ST3GAL4: variants seen among roughly 807,000 people sequenced by gnomAD.
ST3GAL4 encodes the protein CMP-N-acetylneuraminate-beta-galactosamide-alpha-2,3-sialyltransferase 4.
ST3GAL4 carries 24 observed loss-of-function variants against 42.6 expected under a neutral mutation model. The ratio of observed to expected loss-of-function variants is 0.56; its 90% CI spans 0.41 to 0.79. The LOEUF (loss-of-function observed/expected upper bound fraction) is 0.79, where lower values mean the gene tolerates loss of function less well. ST3GAL4 is among the 30% of genes least tolerant of loss of function. The pLI, the probability that ST3GAL4 is intolerant of heterozygous loss-of-function variation, is 0.00. For synonymous variants in ST3GAL4, 135 were observed against 163.2 expected (o/e 0.83, Z 1.32); for missense variants, 311 against 430.8 (o/e 0.72, Z 2.46).
In ST3GAL4 at chr11:126,359,166, G is replaced by A. The variant is rs548820573; in HGVS notation, c.-61+3324G>A. 1.4e-4 allele frequency among the ~76,000 whole-genome samples: 22 copies of A among 152,148 alleles called. No individual in the cohort carries two copies. The highest frequency in any genetic ancestry group is 3.1e-4 in the Non-Finnish European group (21 of 68,026). ...TCTGCAGCGACCCTACTTGTGCTCT[G>A]CGTCCTCTGCCAACTGCAGCATGGG... On this transcript the variant is annotated intron_variant, in intron 1 of 10. Transcript: ENST00000444328. The surrounding 1 kb of genome is among the most constrained non-coding windows in gnomAD (Gnocchi z 4.8).
intron 1 of ST3GAL4, among the ~76,000 whole-genome samples, chr11:126,370,770 G>A (rs1455579377): frequency 6.6e-6 from 1 of 150,910 alleles, no homozygotes; most frequent in African/African-American, 2.4e-5. Context: ...TCTGCATCCC[G>A]GGTTCAAGCA....
intron 8 of ST3GAL4, 141 bp downstream of exon 8, chr11:126,408,637 C>A: frequency 1.0e-6 from 1 of 994,616 alleles, no homozygotes; most frequent in Non-Finnish European, 1.5e-6. Context: ...CGGAAGTCAG[C>A]GCCTTAGGCT....
chr11:126,375,652 C>T (rs1413888754), intron 1 of ST3GAL4, among the ~76,000 whole-genome samples: 1 of 152,160 alleles, frequency 6.6e-6, no homozygotes, highest in Non-Finnish European at 1.5e-5. Flanking sequence ...TTGCACAGCC[C>T]TTAGAAGCAT....
chr11:126,372,817 T>G (rs181145232), intron 1 of ST3GAL4, among the ~76,000 whole-genome samples: 110 of 152,370 alleles, frequency 7.2e-4, no homozygotes, highest in Non-Finnish European at 1.1e-3. Context: ...AGATCACATT[T>G]TGTTCATTCA....
In ST3GAL4 at chr11:126,408,307, A is replaced by G. The variant is rs1045055647; in HGVS notation, c.438A>G (p.Arg146=). ...TGGGAATCCTCCTCCCAACCCCCAG[A>G]TTGAACAATGCCCCAGTGGCTGGCT... ...DAINKYDVVI[R]LNNAPVAGYE... The change falls in exon 8 of 11, where the codon AGA becomes AGG. Residue 146 remains arginine, a splice_region_variant and synonymous_variant. Coordinates refer to ENST00000444328, the MANE Select transcript of ST3GAL4 (RefSeq NM_001254757.2). 22 of 1,613,838 alleles carry G rather than the reference A, an allele frequency of 1.4e-5. No individual in the cohort carries two copies. The highest frequency in any genetic ancestry group is 1.8e-5 in the Non-Finnish European group (21 of 1,179,862).
rs1226378073 is a variant in ST3GAL4, at chr11:126,359,874, C to A, written c.-61+4032C>A. Among the ~76,000 whole-genome samples the A allele has an allele frequency of 6.6e-6, 1 of 152,258 alleles. No homozygotes were observed. The highest frequency in any genetic ancestry group is 1.5e-5 in the Non-Finnish European group (1 of 68,046). On this transcript the variant is annotated intron_variant, in intron 1 of 10. Coordinates refer to ENST00000444328, the MANE Select transcript of ST3GAL4 (RefSeq NM_001254757.2). This position sits in a 1 kb window ranked among gnomAD's most constrained non-coding sequence, Gnocchi z 4.8. ...ATTCCTTTGGAAATGTGGCTGCCGC[C>A]CACATGGCTGCAAGGCAACCACGGC... is the stretch of plus-strand genomic sequence containing the variant.
rs1952193041 is a variant in ST3GAL4 at position 126,359,993 on chromosome 11, C to G, written c.-61+4151C>G. Among the ~76,000 whole-genome samples, 1 of 152,246 alleles carries G rather than the reference C, an allele frequency of 6.6e-6. No individual in the cohort carries two copies. Among genetic ancestry groups the G allele is most frequent in the South Asian group, 2.1e-4 (1 of 4,828 alleles). On this transcript the variant is annotated intron_variant, in intron 1 of 10. Coordinates refer to ENST00000444328, the MANE Select transcript of ST3GAL4 (RefSeq NM_001254757.2). This position sits in a 1 kb window ranked among gnomAD's most constrained non-coding sequence, Gnocchi z 4.8. ...TGGCGTCTGGCATCCTGATTCCTGC[C>G]AGGCAGAAGCACCTTGGCTGCCTGG...
Position 126,388,472 on chromosome 11 carries a change from A to G in ST3GAL4, c.-60-17624A>G, listed in dbSNP as rs981160722. 1.1e-4 allele frequency among the ~76,000 whole-genome samples: 16 copies of G among 152,058 alleles called. No homozygotes were observed. The East Asian group carries it at 2.9e-3, about 28-fold the overall frequency. On this transcript the variant is annotated intron_variant, in intron 1 of 10. Coordinates refer to ENST00000444328, the MANE Select transcript of ST3GAL4 (RefSeq NM_001254757.2). ...CAGCCTCCTAAGTAGCTGGGATTACAGGCACCTGCCACCATGCCTGGCTAA... is the reference window on the plus strand; with the variant it reads ...CAGCCTCCTAAGTAGCTGGGATTACGGGCACCTGCCACCATGCCTGGCTAA...
intron 1 of ST3GAL4, among the ~76,000 whole-genome samples, chr11:126,371,454 C>T (rs1354200080): frequency 6.6e-6 from 1 of 152,098 alleles, no homozygotes; most frequent in Non-Finnish European, 1.5e-5. Context: ...TGAGCCACCG[C>T]GCCTGGCCTA....
chr11:126,414,097 AC>A lies in ST3GAL4; in HGVS notation c.*55del. The A allele has an allele frequency of 1.3e-6, 2 of 1,592,150 alleles. No homozygotes were observed. Among genetic ancestry groups the A allele is most frequent in the Non-Finnish European group, 1.7e-6 (2 of 1,160,322 alleles). ...GGTTGCCTACTCTGCTGTCTGGGTG[AC>A]CCCCATGCGTGGCTGTGGGGGTGGC... On this transcript the variant is annotated 3_prime_UTR_variant, in exon 11 of 11. Transcript: ENST00000444328.
At position 126,407,282 on chromosome 11, in the gene ST3GAL4, G is replaced by A; in HGVS notation, c.213G>A (p.Arg71=). 6.2e-7 allele frequency: 1 copy of A among 1,614,230 alleles called. No homozygotes were observed. Among genetic ancestry groups the A allele is most frequent in the Non-Finnish European group, 8.5e-7 (1 of 1,180,032 alleles). The change falls in exon 5 of 11, where the codon CGG becomes CGA. Residue 71 remains arginine, a synonymous_variant. Transcript: ENST00000444328. The stretch of plus-strand genomic sequence containing the variant: ...CCCGGGATCAGCCCATCTTCCTGCG[G>A]CTTGAGGATTATTTCTGGGTCAAGA... The part of the protein sequence containing the change: ...NYSRDQPIFL[R]LEDYFWVKTP...
chr11:126,412,100 G>C (rs192460119), intron 9 of ST3GAL4, among the ~76,000 whole-genome samples: 1 of 152,196 alleles, frequency 6.6e-6, no homozygotes, highest in African/African-American at 2.4e-5. Context: ...CAGCCGGTAG[G>C]GGGCGGGGGG....
At chr11:126,412,795 T>A (rs1279570846) in intron 9 of ST3GAL4, among the ~76,000 whole-genome samples, 29 of 152,214 alleles carry the variant, frequency 1.9e-4, no homozygotes, top group Admixed American at 1.8e-3. Flanking sequence ...TTCCTTTCCT[T>A]TGAATGAGTT....
rs915584966 is a variant in ST3GAL4 at position 126,400,093 on chromosome 11, A to G, written c.-60-6003A>G. On this transcript the variant is annotated intron_variant, in intron 1 of 10. Transcript: ENST00000444328. This position sits in a 1 kb window ranked among gnomAD's most constrained non-coding sequence, Gnocchi z 4.6. ...CTCCCCTCTCCACTTCTTGGCACCA[A>G]TTTTCTGTCTTAGTCCATTTTGTGC... Among the ~76,000 whole-genome samples the G allele has an allele frequency of 2.0e-5, 3 of 151,152 alleles. No homozygotes were observed. Among genetic ancestry groups the G allele is most frequent in the Non-Finnish European group, 4.4e-5 (3 of 67,892 alleles).
intron 1 of ST3GAL4, among the ~76,000 whole-genome samples, chr11:126,364,220 T>C (rs1315446803): frequency 6.6e-6 from 1 of 151,722 alleles, no homozygotes; most frequent in Non-Finnish European, 1.5e-5. Flanking sequence ...CCAAGCCCCT[T>C]ACATAACCAG....
Position 126,383,791 on chromosome 11 carries a change from TGC to T in ST3GAL4, c.-60-22302_-60-22301del, listed in dbSNP as rs1953105037. ...CAGGCAGATTCACCAGAGGGGCTAC[TGC>T]GCAGAGCCTGGGCCCTGGACACCTA... On this transcript the variant is annotated intron_variant, in intron 1 of 10. Transcript: ENST00000444328. This position sits in a 1 kb window ranked among gnomAD's most constrained non-coding sequence, Gnocchi z 4.5. Among the ~76,000 whole-genome samples the T allele has an allele frequency of 6.6e-6, 1 of 152,190 alleles. No homozygotes were observed. The highest frequency in any genetic ancestry group is 6.5e-5 in the Admixed American group (1 of 15,286).
chr11:126,402,301 C>T (rs969306685), intron 1 of ST3GAL4, among the ~76,000 whole-genome samples: 5 of 151,806 alleles, frequency 3.3e-5, no homozygotes, highest in African/African-American at 1.2e-4. Context: ...ACTAAAAATA[C>T]AAAAATTAGC....
intron 1 of ST3GAL4, among the ~76,000 whole-genome samples, chr11:126,375,743 T>C (rs904505694): frequency 1.3e-5 from 2 of 152,152 alleles, no homozygotes; most frequent in African/African-American, 4.8e-5. Context: ...TTCTGGTGTC[T>C]AGTGGGTAGA....
At chr11:126,407,207 G>A (rs754611385) in intron 4 of ST3GAL4, 45 bp from the exon 5 acceptor site, 2 of 1,600,990 alleles carry the variant, frequency 1.2e-6, no homozygotes, top group South Asian at 2.2e-5. Context: ...CTGGCATCAA[G>A]ATTAATTCTG....
Sources: gnomAD v4.1 joint callset for allele counts (sites outside exome capture counted in the v4.1 genomes callset) on GRCh38, gnomAD v4.1.1 for gene constraint, Gnocchi (gnomAD v3.1) non-coding constraint, MANE v1.5 for transcripts, NCBI Gene and HGNC (gene_info 2026-07-23, HGNC 2026-07-21) for gene names.